Variants in USH2A observed in about 807,000 individuals in gnomAD.
The protein encoded by USH2A is Usher syndrome 2A (autosomal recessive, mild).
Under a neutral mutation model 538.9 loss-of-function variants are expected in USH2A, and 443 were observed. The observed-to-expected ratio is 0.82, with a 90% CI of 0.76 to 0.89. The LOEUF (loss-of-function observed/expected upper bound fraction) is 0.89, where lower values mean the gene tolerates loss of function less well. USH2A is among the 40% of genes least tolerant of loss of function. USH2A has a pLI of 0.00. For missense variants in USH2A, 6,633 were observed against 6,324.8 expected, an observed-to-expected ratio of 1.05 and a Z score of -1.65; for synonymous variants, 2,413 against 2,273.5, an observed-to-expected ratio of 1.06 and a Z score of -1.75.
intron 3 of USH2A, among the ~76,000 whole-genome samples, chr1:216,378,023 G>A (rs1213756541): frequency 6.6e-6 from 1 of 151,968 alleles, no homozygotes; most frequent in African/African-American, 2.4e-5. Context: ...CCTTCACAAA[G>A]CCTGGCTTAG....
Position 215,798,199 on chromosome 1 carries a change from G to C in USH2A, c.9958+708C>G, listed in dbSNP as rs72742735. Among the ~76,000 whole-genome samples the C allele has an allele frequency of 5.9e-3, 903 of 152,248 alleles. 5 individuals are homozygous for C. The highest frequency in any genetic ancestry group is 8.2e-3 in the Non-Finnish European group (555 of 68,020). ...AGATGAGGAGTTGCTTCTTAGGGAG[G>C]AGCAAAGAAAGTGGCTTCTTGAGAT... On this transcript the variant is annotated intron_variant, in intron 50 of 71. Coordinates refer to ENST00000307340, the MANE Select transcript of USH2A (RefSeq NM_206933.4).
intron 18 of USH2A, 141 bp downstream of exon 18, chr1:216,198,174 A>G: frequency 2.5e-6 from 3 of 1,218,538 alleles, no homozygotes; most frequent in Admixed American, 4.7e-5. Flanking sequence ...ACAAATCCAT[A>G]TATATGAAAA....
At chr1:215,960,516 A>G (rs1022760149) in intron 37 of USH2A, among the ~76,000 whole-genome samples, 5 of 152,110 alleles carry the variant, frequency 3.3e-5, no homozygotes, top group African/African-American at 1.2e-4. Context: ...TGAATGGTGC[A>G]CCCTTGAGAG....
chr1:215,786,904 A>G, intron 51 of USH2A, 30 bp from the exon 52 acceptor site: 5 of 1,607,074 alleles, frequency 3.1e-6, no homozygotes, highest in East Asian at 2.2e-5. Flanking sequence ...TGAGAGAGAG[A>G]GGGGTATTTA....
chr1:215,836,657 C>G (rs12126972), intron 47 of USH2A, among the ~76,000 whole-genome samples: 16,549 of 133,844 alleles, frequency 0.12, 1,422 homozygotes, highest in African/African-American at 0.23. Context: ...CCCAGGTTCA[C>G]GCCATGCTCC....
chr1:215,811,217 C>G (rs1366735834), intron 49 of USH2A, among the ~76,000 whole-genome samples: 1 of 152,214 alleles, frequency 6.6e-6, no homozygotes, highest in African/African-American at 2.4e-5. Context: ...TTTCCTGAAA[C>G]AAACTTGCTC....
rs907438403 is a variant in USH2A, at chr1:216,190,154, G to T, written c.4396+69C>A. The T allele has an allele frequency of 1.3e-5, 21 of 1,589,414 alleles. No homozygotes were observed. The East Asian group carries it at 3.0e-4, about 22-fold the overall frequency. On this transcript the variant is annotated intron_variant, in intron 20 of 71. Transcript: ENST00000307340. ...AAATATAAAGTCTCAAGTAGAGAAGGTGTTGAATATTATAAGTTTTTTTTC... is the reference window on the plus strand; with the variant it reads ...AAATATAAAGTCTCAAGTAGAGAAGTTGTTGAATATTATAAGTTTTTTTTC...
At chr1:216,421,768 C>A (rs1332713715) in intron 2 of USH2A, 84 bp downstream of exon 2, 77 of 1,602,694 alleles carry the variant, frequency 4.8e-5, no homozygotes, top group Non-Finnish European at 6.5e-5. Flanking sequence ...GCCTTCACTT[C>A]CGGTTTGGAA....
At chr1:215,803,977 C>T (rs1458856447) in intron 49 of USH2A, among the ~76,000 whole-genome samples, 2 of 152,108 alleles carry the variant, frequency 1.3e-5, no homozygotes, top group African/African-American at 2.4e-5. Context: ...AGAAATAATG[C>T]CACATATCTA....
intron 21 of USH2A, among the ~76,000 whole-genome samples, chr1:216,111,287 G>A (rs1304145504): frequency 6.6e-6 from 1 of 152,102 alleles, no homozygotes; most frequent in Non-Finnish European, 1.5e-5. Context: ...AGTCTGCCTA[G>A]TATTCCCTGT....
chr1:215,763,620 T>C lies in USH2A; in HGVS notation c.11047+3061A>G, dbSNP rs12094655. On this transcript the variant is annotated intron_variant, in intron 56 of 71. Transcript: ENST00000307340. ...TTAAAACTTGAGGGGTCCATGTTGC[T>C]TTGCTAAGGAGATATGGATGTATGT... is the stretch of plus-strand genomic sequence containing the variant. Among the ~76,000 whole-genome samples the C allele has an allele frequency of 7.4e-3, 1,133 of 152,218 alleles. 12 individuals carry two copies. The highest frequency in any genetic ancestry group is 0.026 in the African/African-American group (1,087 of 41,540).
At chr1:215,767,985 A>G (rs1457119892) in intron 55 of USH2A, among the ~76,000 whole-genome samples, 4 of 152,152 alleles carry the variant, frequency 2.6e-5, no homozygotes, top group Non-Finnish European at 5.9e-5. Flanking sequence ...GATGAATCCA[A>G]TGATTGTTAT....
intron 58 of USH2A, among the ~76,000 whole-genome samples, chr1:215,751,093 A>G (rs755772204): frequency 6.6e-6 from 1 of 152,144 alleles, no homozygotes; most frequent in African/African-American, 2.4e-5. Context: ...TGTAATGTGA[A>G]TCCTTTAGAA....
chr1:216,066,823 G>A (rs1287821653), intron 30 of USH2A, among the ~76,000 whole-genome samples: 2 of 152,130 alleles, frequency 1.3e-5, no homozygotes, highest in Non-Finnish European at 2.9e-5. Context: ...CCATTTCATA[G>A]GTTAGGACTT....
chr1:215,844,630 A>C lies in USH2A; in HGVS notation c.9056-134T>G, dbSNP rs139962758. 6.5e-4 allele frequency: 588 copies of C among 903,302 alleles called. 3 individuals carry two copies. The African/African-American group carries it at 8.6e-3, about 13-fold the overall frequency. 56.0% of individuals were successfully genotyped at this position (903,302 alleles called of 1,614,324 possible). A position where few individuals can be genotyped will look rare whatever the true frequency, so the allele number is the denominator to read the frequency against. ...TGCTTTTCGCTGATGAAGTTATCAC[A>C]GTCTGTAGTCCTCTGTAAATTGGCT... On this transcript the variant is annotated intron_variant, in intron 45 of 71. Transcript: ENST00000307340.
rs561197341 is a variant in USH2A at position 215,887,571 on chromosome 1, A to G, written c.8223+855T>C. Among the ~76,000 whole-genome samples the G allele has an allele frequency of 2.0e-5, 3 of 152,368 alleles. No individual in the cohort carries two copies. In the East Asian group the frequency reaches 5.8e-4, roughly 29 times the overall value. ...CTTTGACCAGCTTCATATTAAAACT[A>G]ACAAAGACTTTTAAAAATAGCTTTT... On this transcript the variant is annotated intron_variant, in intron 41 of 71. Coordinates refer to ENST00000307340, the MANE Select transcript of USH2A (RefSeq NM_206933.4).
chr1:216,028,907 T>C (rs1434902689), intron 32 of USH2A, among the ~76,000 whole-genome samples: 1 of 152,150 alleles, frequency 6.6e-6, no homozygotes, highest in Non-Finnish European at 1.5e-5. Context: ...GTCCCAATTA[T>C]ATGTTTGTAT....
chr1:216,150,608 C>T (rs965247061), intron 21 of USH2A, among the ~76,000 whole-genome samples: 1 of 152,198 alleles, frequency 6.6e-6, no homozygotes, highest in Non-Finnish European at 1.5e-5. Context: ...CACCTTTACC[C>T]TCCTGAAGAA....
At chr1:215,684,326 C>A (rs1289383408) in intron 61 of USH2A, among the ~76,000 whole-genome samples, 2 of 152,154 alleles carry the variant, frequency 1.3e-5, no homozygotes, top group Admixed American at 6.5e-5. Flanking sequence ...TTTTTGATGA[C>A]TTGAAGTGCC....
Sources: allele counts gnomAD v4.1 joint callset (sites outside exome capture counted in the v4.1 genomes callset), GRCh38; gene constraint gnomAD v4.1.1; transcripts MANE v1.5; gene names NCBI Gene and HGNC (gene_info 2026-07-23, HGNC 2026-07-21).